Variants in INHBC observed in about 807,000 individuals in gnomAD.
INHBC encodes inhibin subunit beta C.
In INHBC, 10 loss-of-function variants were observed where a neutral mutation model predicts 12.4. The ratio of observed to expected loss-of-function variants is 0.81; its 90% confidence interval spans 0.50 to 1.37. INHBC has a LOEUF of 1.37. Ranked by LOEUF, INHBC falls within the 40% of genes most tolerant of loss-of-function variation. INHBC has a pLI of 0.00. For synonymous variants in INHBC, 147 were observed against 171.6 expected (o/e 0.86, Z 1.12); for missense variants, 382 against 439.4 (o/e 0.87, Z 1.17).
chr12:57,441,525 CAAA>C (rs574320537), intron 1 of INHBC, among the ~76,000 whole-genome samples: 5 of 55,078 alleles, frequency 9.1e-5, no homozygotes, highest in Non-Finnish European at 8.0e-5. Flanking sequence ...AACTCCGTCT[CAAA>C]AAAAAAAAAA....
intron 1 of INHBC, among the ~76,000 whole-genome samples, chr12:57,442,592 A>G (rs1870488578): frequency 1.3e-5 from 2 of 152,202 alleles, no homozygotes; most frequent in Non-Finnish European, 2.9e-5. Context: ...GAGGAAGCTA[A>G]CAAGGAGGCA....
chr12:57,447,862 C>CA lies in INHBC; in HGVS notation c.314-1384dup, dbSNP rs869208182. 1.7e-3 allele frequency among the ~76,000 whole-genome samples: 9 copies of CA among 5,242 alleles called. 1 individual carries two copies. Among genetic ancestry groups the CA allele is most frequent in the Admixed American group, 4.5e-3 (1 of 224 alleles). 3.4% of individuals were successfully genotyped at this position (5,242 alleles called of 152,430 possible). A position where few individuals can be genotyped will look rare whatever the true frequency, so the allele number is the denominator to read the frequency against. ...GGGCAACAGGAACAAAACTCCGTCT[C>CA]AAAAAAAAAAAAAAAAAAAAAAAAA... On this transcript the variant is annotated intron_variant, in intron 1 of 1. Transcript: ENST00000309668.
chr12:57,438,604 C>T (rs141636667), intron 1 of INHBC, among the ~76,000 whole-genome samples: 1 of 152,328 alleles, frequency 6.6e-6, no homozygotes, highest in African/African-American at 2.4e-5. Context: ...ATACACCCTG[C>T]TTGCTAATGT....
At chr12:57,447,214 T>G (rs1566551166) in intron 1 of INHBC, among the ~76,000 whole-genome samples, 1 of 152,052 alleles carries the variant, frequency 6.6e-6, no homozygotes, top group African/African-American at 2.4e-5. Flanking sequence ...AGGCGGAGCC[T>G]CGCTCTGTCT....
intron 1 of INHBC, 100 bp from the exon 2 acceptor site, chr12:57,449,177 C>T (rs1347048622): frequency 6.4e-6 from 9 of 1,412,072 alleles, no homozygotes; most frequent in Non-Finnish European, 8.6e-6. Flanking sequence ...GTAGCAAATG[C>T]CAAGTGCTAT....
At chr12:57,442,316 T>C (rs187454009) in intron 1 of INHBC, among the ~76,000 whole-genome samples, 1 of 152,296 alleles carries the variant, frequency 6.6e-6, no homozygotes, top group African/African-American at 2.4e-5. Context: ...CACAAAGTCA[T>C]GAATACTGGG....
intron 1 of INHBC, among the ~76,000 whole-genome samples, chr12:57,441,777 G>T (rs935324905): frequency 6.6e-6 from 1 of 151,320 alleles, no homozygotes; most frequent in Non-Finnish European, 1.5e-5. Context: ...CATCTCCAGG[G>T]TTCAAGAGAT....
intron 1 of INHBC, among the ~76,000 whole-genome samples, chr12:57,438,890 T>C (rs1870402884): frequency 6.6e-6 from 1 of 152,178 alleles, no homozygotes; most frequent in Non-Finnish European, 1.5e-5. Flanking sequence ...GGTGCAAATA[T>C]AGGTGAGGCT....
intron 1 of INHBC, among the ~76,000 whole-genome samples, chr12:57,439,824 C>A (rs143245687): frequency 1.0e-3 from 153 of 152,272 alleles, no homozygotes; most frequent in African/African-American, 3.4e-3. Flanking sequence ...TAGATCTTAA[C>A]AAGCAAAGCG....
chr12:57,450,017 A>G lies in INHBC; in HGVS notation c.1054A>G (p.Ser352Gly). ...CATGGTAGTAGAGGCCTGTGGGTGC[A>G]GTTAGTCTATGTGTGGTATGGGCAG... The part of the protein sequence containing the change: ...PDMVVEACGC[S>G] The change falls in exon 2 of 2, where the codon AGT becomes GGT. Residue 352 changes from serine to glycine, a missense_variant. Ser to Gly is a moderately conservative substitution (Grantham distance 56). Coordinates refer to ENST00000309668, the MANE Select transcript of INHBC (RefSeq NM_005538.4). 1 of 1,515,772 alleles carries G rather than the reference A, an allele frequency of 6.6e-7. No homozygotes were observed. Among genetic ancestry groups the G allele is most frequent in the Non-Finnish European group, 8.8e-7 (1 of 1,133,408 alleles). The allele number at this position is 1,515,772 out of a possible 1,614,324, so 93.9% of individuals were successfully genotyped here.
chr12:57,447,877 A>AT (rs1451515476), intron 1 of INHBC, among the ~76,000 whole-genome samples: 1 of 74,226 alleles, frequency 1.3e-5, no homozygotes, highest in African/African-American at 4.3e-5. Context: ...AAAAAAAAAA[A>AT]AAAAAAAAAA....
chr12:57,443,573 T>G (rs1870514288), intron 1 of INHBC, among the ~76,000 whole-genome samples: 1 of 151,654 alleles, frequency 6.6e-6, no homozygotes, highest in Non-Finnish European at 1.5e-5. Flanking sequence ...CATGAGCCAC[T>G]GCGCCGGGCC....
chr12:57,443,412 G>A (rs1870510831), intron 1 of INHBC, among the ~76,000 whole-genome samples: 1 of 151,966 alleles, frequency 6.6e-6, no homozygotes, highest in Admixed American at 6.6e-5. Context: ...AGCCTCCCGA[G>A]TAGCTGGGAT....
In INHBC at chr12:57,449,366, ATGTTCTTTG is replaced by A; in HGVS notation, c.406_414del (p.Phe136_Val138del). Reference sequence around the variant, plus strand: ...CAGGGAGGTCCAGCAGGCCAGTCTCATGTTCTTTGTGCAGCTCCCTTCCAATACCACTTG... The same window carrying A: ...CAGGGAGGTCCAGCAGGCCAGTCTCATGCAGCTCCCTTCCAATACCACTTG... On this transcript the variant is annotated inframe_deletion, in exon 2 of 2. Transcript: ENST00000309668. 6.2e-7 allele frequency: 1 copy of A among 1,614,134 alleles called. No individual in the cohort carries two copies.
At chr12:57,447,992 G>A (rs1344176294) in intron 1 of INHBC, among the ~76,000 whole-genome samples, 25 of 131,236 alleles carry the variant, frequency 1.9e-4, no homozygotes, top group African/African-American at 6.9e-4. Flanking sequence ...ATACACACAT[G>A]CATACACACA....
rs1870680826 is a variant in INHBC at position 57,450,067 on chromosome 12, C to A, written c.*45C>A. 1.4e-6 allele frequency: 2 copies of A among 1,471,052 alleles called. No homozygotes were observed. Among genetic ancestry groups the A allele is most frequent in the East Asian group, 2.4e-5 (1 of 42,474 alleles). 91.1% of individuals were successfully genotyped at this position (1,471,052 alleles called of 1,614,324 possible). A position where few individuals can be genotyped will look rare whatever the true frequency, so the allele number is the denominator to read the frequency against. On this transcript the variant is annotated 3_prime_UTR_variant, in exon 2 of 2. Transcript: ENST00000309668. ...GCCCAAGGTTGCATGGGAAAACACG[C>A]CCCTACAGAAGTGCACTTCCTTGAG...
At chr12:57,441,175 G>A (rs1258373677) in intron 1 of INHBC, among the ~76,000 whole-genome samples, 1 of 151,998 alleles carries the variant, frequency 6.6e-6, no homozygotes, top group African/African-American at 2.4e-5. Flanking sequence ...CCAACATGGA[G>A]AAACCCATCT....
At chr12:57,444,593 A>G (rs1870536901) in intron 1 of INHBC, among the ~76,000 whole-genome samples, 1 of 151,942 alleles carries the variant, frequency 6.6e-6, no homozygotes, top group Admixed American at 6.6e-5. Context: ...TAATGGCTAT[A>G]CAAACAGTTA....
intron 1 of INHBC, among the ~76,000 whole-genome samples, chr12:57,444,387 A>G (rs1270013298): frequency 2.0e-5 from 3 of 151,946 alleles, no homozygotes; most frequent in Non-Finnish European, 2.9e-5. Context: ...CTAAAAATAC[A>G]AAAATTAGCA....
Sources: gnomAD v4.1 joint callset for allele counts (sites outside exome capture counted in the v4.1 genomes callset) on GRCh38, gnomAD v4.1.1 for gene constraint, MANE v1.5 for transcripts, NCBI Gene and HGNC (gene_info 2026-07-23, HGNC 2026-07-21) for gene names.